The following MIGA1 variants were observed in gnomAD, a reference collection of about 807,000 sequenced individuals.
MIGA1 encodes family with sequence similarity 73, member A.
MIGA1 carries 58 observed loss-of-function variants against 82.0 expected under a neutral mutation model. That is an observed-to-expected ratio of 0.71 (90% CI 0.57 to 0.88). The LOEUF is 0.88. MIGA1 is among the 40% of genes least tolerant of loss of function. MIGA1 has a pLI of 0.00. For synonymous variants in MIGA1, 249 were observed against 253.6 expected, an observed-to-expected ratio of 0.98 and a Z score of 0.17; for missense variants, 751 against 749.1, an observed-to-expected ratio of 1.00 and a Z score of -0.03.
At chr1:77,849,521 C>G (rs1183158308) in intron 8 of MIGA1, among the ~76,000 whole-genome samples, 1 of 152,096 alleles carries the variant, frequency 6.6e-6, no homozygotes, top group Non-Finnish European at 1.5e-5. Context: ...AGAAAATACA[C>G]TTTACGTTCT....
chr1:77,780,094 G>C (rs1681838598), intron 1 of MIGA1: 28 of 1,020,116 alleles, frequency 2.7e-5, no homozygotes, highest in Non-Finnish European at 3.3e-5. Context: ...CCGAGCTGGA[G>C]GGACCCCCTT....
rs184134271 is a variant in MIGA1, at chr1:77,803,368, T to C, written c.472T>C (p.Phe158Leu). 580 of 1,566,624 alleles carry C rather than the reference T, an allele frequency of 3.7e-4. 3 individuals are homozygous for C. The highest frequency in any genetic ancestry group is 2.9e-5 in the Non-Finnish European group (33 of 1,155,222). The change falls in exon 4 of 16, where the codon TTC becomes CTC. Residue 158 changes from phenylalanine (F) to leucine (L), a missense_variant. Physicochemically the swap from Phe to Leu is conservative, Grantham distance 22. This residue lies in a region of MIGA1 where 482 missense variants were observed against 439.4 expected (regional missense o/e 1.10). Transcript: ENST00000370791. ...TTGTAACTATGCTAATGGAGGACTT[T>C]TCAGTAAATATTCAGGTTCTGCACA...
intron 7 of MIGA1, among the ~76,000 whole-genome samples, chr1:77,830,217 C>T (rs1371066450): frequency 1.3e-5 from 2 of 152,052 alleles, no homozygotes; most frequent in Non-Finnish European, 2.9e-5. Context: ...TAATAGTAAC[C>T]TTTATATCTG....
chr1:77,873,740 A>G, intron 15 of MIGA1, among the ~76,000 whole-genome samples: 1 of 152,216 alleles, frequency 6.6e-6, no homozygotes, highest in Non-Finnish European at 1.5e-5. Context: ...ATAAAAGTAA[A>G]CATAATTGAG....
At chr1:77,842,976 T>G (rs1221418205) in intron 7 of MIGA1, among the ~76,000 whole-genome samples, 1 of 152,248 alleles carries the variant, frequency 6.6e-6, no homozygotes, top group African/African-American at 2.4e-5. Flanking sequence ...TGCAAATAAA[T>G]TGCTCTGTTT....
chr1:77,829,686 A>G (rs1043915049), intron 7 of MIGA1, among the ~76,000 whole-genome samples: 3 of 151,868 alleles, frequency 2.0e-5, no homozygotes, highest in Non-Finnish European at 1.5e-5. Flanking sequence ...GGCCAGGCTG[A>G]TCTTGAACTC....
In MIGA1 at chr1:77,844,127, TATATATATATAGATAG is replaced by T. The variant is rs1356772241; in HGVS notation, c.996+724_996+739del. On this transcript the variant is annotated intron_variant, in intron 8 of 15. Coordinates refer to ENST00000370791, the MANE Select transcript of MIGA1 (RefSeq NM_198549.4). ...AAAAAAAAAAAAATATATATATATA[TATATATATATAGATAG>T]ATAGATAGATAGATAGATAGATATA... Among the ~76,000 whole-genome samples, 594 of 117,132 alleles carry T rather than the reference TATATATATATAGATAG, an allele frequency of 5.1e-3. 9 individuals carry two copies. Among genetic ancestry groups the T allele is most frequent in the African/African-American group, 0.023 (566 of 24,478 alleles). The allele number at this position is 117,132 out of a possible 152,430, so 76.8% of individuals were successfully genotyped here.
rs969552702 is a variant in MIGA1 at position 77,805,433 on chromosome 1, G to A, written c.511-1542G>A. Among the ~76,000 whole-genome samples, 10 of 148,710 alleles carry A rather than the reference G, an allele frequency of 6.7e-5. No individual in the cohort carries two copies. In the East Asian group the frequency reaches 9.8e-4, roughly 15 times the overall value. ...AGACTTTCAGTTTCTCTGTGAAACC[G>A]AGCAGCATAATGAAGAATATGCCTA... On this transcript the variant is annotated intron_variant, in intron 4 of 15. Transcript: ENST00000370791.
chr1:77,795,718 C>T lies in MIGA1; in HGVS notation c.196-5613C>T, dbSNP rs369564003. Among the ~76,000 whole-genome samples the T allele has an allele frequency of 2.0e-4, 31 of 151,624 alleles. No individual in the cohort carries two copies. In the East Asian group the frequency reaches 5.2e-3, roughly 26 times the overall value. On this transcript the variant is annotated intron_variant, in intron 2 of 15. Transcript: ENST00000370791. The stretch of plus-strand genomic sequence containing the variant: ...GATCTCGGCTCACTGCAACCTCTGC[C>T]TCCTGGGTTCAAGCGATTCTCCTGC...
Position 77,877,098 on chromosome 1 carries a change from A to C in MIGA1, c.*2034A>C, listed in dbSNP as rs928480738. The C allele has an allele frequency of 3.3e-5, 5 of 152,124 alleles. No homozygotes were observed. Among genetic ancestry groups the C allele is most frequent in the Admixed American group, 2.6e-4 (4 of 15,268 alleles). The allele number at this position is 152,124 out of a possible 1,614,324, so 9.4% of individuals were successfully genotyped here. Reference sequence around the variant, plus strand: ...CATACATAGCTCACTGCAGTCTCCAACTCCTCATACCAGAGGCATGTGTCA... The same window carrying C: ...CATACATAGCTCACTGCAGTCTCCACCTCCTCATACCAGAGGCATGTGTCA... On this transcript the variant is annotated 3_prime_UTR_variant, in exon 16 of 16. Coordinates refer to ENST00000370791, the MANE Select transcript of MIGA1 (RefSeq NM_198549.4).
At chr1:77,847,634 G>C in intron 8 of MIGA1, 2 of 1,556,128 alleles carry the variant, frequency 1.3e-6, no homozygotes, top group South Asian at 1.1e-5. Context: ...GGGCTGCTGC[G>C]CTGGAAGCGT....
At chr1:77,853,750 TCAAGGAAAAGTATTGCAAGCAA>T in intron 8 of MIGA1, 1 of 327,032 alleles carries the variant, frequency 3.1e-6, no homozygotes, top group South Asian at 3.3e-5. Context: ...CAGAAAAATC[TCAAGGAAAAGTATTGCAAGCAA>T]CAGTAATAGC....
intron 12 of MIGA1, among the ~76,000 whole-genome samples, chr1:77,862,528 A>C (rs1685499510): frequency 6.6e-6 from 1 of 152,112 alleles, no homozygotes; most frequent in African/African-American, 2.4e-5. Flanking sequence ...TGAGACGGGC[A>C]GATCGTGAGG....
At chr1:77,841,733 C>CTTTT (rs1684632691) in intron 7 of MIGA1, among the ~76,000 whole-genome samples, 1 of 39,870 alleles carries the variant, frequency 2.5e-5, no homozygotes, top group Non-Finnish European at 5.7e-5. Context: ...GAGACTTCTG[C>CTTTT]TTTCTTTCTT....
At chr1:77,844,911 G>T (rs2101895338) in intron 8 of MIGA1, among the ~76,000 whole-genome samples, 1 of 152,320 alleles carries the variant, frequency 6.6e-6, no homozygotes, top group East Asian at 1.9e-4. Flanking sequence ...GAACCTGGGA[G>T]ATGGAGGTTG....
chr1:77,861,117 TCA>T (rs1685439377), intron 11 of MIGA1, 105 bp from the exon 12 acceptor site: 1 of 687,772 alleles, frequency 1.5e-6, no homozygotes, highest in African/African-American at 1.8e-5. Flanking sequence ...GTATTTTAGT[TCA>T]GTTACCTAGT....
At chr1:77,871,024 G>C (rs1418136430) in intron 14 of MIGA1, among the ~76,000 whole-genome samples, 4 of 149,216 alleles carry the variant, frequency 2.7e-5, no homozygotes, top group Non-Finnish European at 1.5e-5. Context: ...GCAGTGAGCC[G>C]AGATGGCAGC....
At chr1:77,840,354 T>C (rs1473072183) in intron 7 of MIGA1, among the ~76,000 whole-genome samples, 1 of 152,194 alleles carries the variant, frequency 6.6e-6, no homozygotes, top group African/African-American at 2.4e-5. Context: ...CTGGATGACA[T>C]TGAATAGCTG....
At chr1:77,824,104 C>T (rs190902054) in intron 7 of MIGA1, among the ~76,000 whole-genome samples, 1 of 152,124 alleles carries the variant, frequency 6.6e-6, no homozygotes, top group Non-Finnish European at 1.5e-5. Context: ...GTTAATTTAG[C>T]AGCAAACATG....
Sources: allele counts gnomAD v4.1 joint callset (sites outside exome capture counted in the v4.1 genomes callset), GRCh38; gene constraint gnomAD v4.1.1; regional missense constraint gnomAD v4.1.1; transcripts MANE v1.5; gene names NCBI Gene and HGNC (gene_info 2026-07-23, HGNC 2026-07-21).